The following FRK variants were observed in gnomAD, a reference collection of about 807,000 sequenced individuals.
The protein encoded by FRK is fyn related Src family tyrosine kinase.
A neutral mutation model predicts 56.4 loss-of-function variants in FRK; 51 were observed. The ratio of observed to expected loss-of-function variants is 0.90; its 90% confidence interval spans 0.72 to 1.14. The LOEUF is 1.14. Among genes scored for constraint, FRK ranks in the 50% most tolerant of loss-of-function variants. FRK has a pLI of 0.00. For synonymous variants in FRK, 245 were observed against 217.9 expected, an observed-to-expected ratio of 1.12 and a Z score of -1.10; for missense variants, 570 against 601.4, an observed-to-expected ratio of 0.95 and a Z score of 0.55.
At chr6:116,029,645 C>T (rs925891679) in intron 1 of FRK, among the ~76,000 whole-genome samples, 3 of 152,142 alleles carry the variant, frequency 2.0e-5, no homozygotes, top group Non-Finnish European at 4.4e-5. Context: ...AAATTATTTA[C>T]ATTAACTATT....
chr6:116,029,633 G>A (rs1326600320), intron 1 of FRK, among the ~76,000 whole-genome samples: 2 of 152,084 alleles, frequency 1.3e-5, no homozygotes, highest in Non-Finnish European at 2.9e-5. Context: ...CAGGCACCGT[G>A]CAAATTATTT....
chr6:115,955,341 G>C (rs1772942101), intron 5 of FRK, among the ~76,000 whole-genome samples: 1 of 152,090 alleles, frequency 6.6e-6, no homozygotes, highest in Non-Finnish European at 1.5e-5. Flanking sequence ...ATGGGGAATA[G>C]GCCATTAGAT....
At chr6:116,039,430 G>A in intron 1 of FRK, 2 of 1,574,624 alleles carry the variant, frequency 1.3e-6, no homozygotes, top group Non-Finnish European at 1.7e-6. Flanking sequence ...TGAAGTGGAT[G>A]GCTTCCTCGT....
the FRK span, among the ~76,000 whole-genome samples, chr6:116,100,174 A>G: frequency 6.6e-6 from 1 of 152,250 alleles, no homozygotes; most frequent in Admixed American, 6.5e-5. Context: ...ATTCATTACA[A>G]TAACAAAATA....
chr6:115,948,614 T>C (rs529829578), intron 5 of FRK, among the ~76,000 whole-genome samples: 2 of 152,338 alleles, frequency 1.3e-5, no homozygotes, highest in East Asian at 1.9e-4. Flanking sequence ...ACTTTTACTG[T>C]TTTAACTCCC....
At chr6:116,088,169 T>A in the FRK span, among the ~76,000 whole-genome samples, 1 of 152,192 alleles carries the variant, frequency 6.6e-6, no homozygotes. Context: ...TGGCTTACTC[T>A]CTCTCCATTA....
intron 4 of FRK, among the ~76,000 whole-genome samples, chr6:115,966,974 A>AG (rs11400264): frequency 0.77 from 116,774 of 151,994 alleles, 45,262 homozygotes; most frequent in East Asian, 0.99. Context: ...ATGACCAGAA[A>AG]TATTTGGAAA....
At chr6:116,012,471 T>C (rs759309807) in intron 1 of FRK, among the ~76,000 whole-genome samples, 1 of 152,220 alleles carries the variant, frequency 6.6e-6, no homozygotes, top group South Asian at 2.1e-4. Context: ...ATATGTAGCA[T>C]ACAAAAGCTA....
At chr6:116,046,729 A>G (rs1345530716) in intron 1 of FRK, among the ~76,000 whole-genome samples, 1 of 152,266 alleles carries the variant, frequency 6.6e-6, no homozygotes, top group Non-Finnish European at 1.5e-5. Context: ...GTGTATACCT[A>G]TGAAACAAAC....
intron 1 of FRK, among the ~76,000 whole-genome samples, chr6:116,027,914 A>G (rs1776154922): frequency 6.6e-6 from 1 of 152,104 alleles, no homozygotes. Flanking sequence ...GGAACTGTTC[A>G]GAGACAAAGT....
chr6:116,066,701 A>G, the FRK span, among the ~76,000 whole-genome samples: 3 of 152,108 alleles, frequency 2.0e-5, no homozygotes. Flanking sequence ...GGCCAGCCAC[A>G]GTGGCCACCT....
In FRK at chr6:116,002,724, T is replaced by C. The variant is rs916908600; in HGVS notation, c.466+1153A>G. 2.9e-5 allele frequency: 13 copies of C among 455,648 alleles called. 1 individual carries two copies. The highest frequency in any genetic ancestry group is 5.3e-5 in the Non-Finnish European group (12 of 226,606). 28.2% of individuals were successfully genotyped at this position (455,648 alleles called of 1,614,324 possible). On this transcript the variant is annotated intron_variant, in intron 2 of 7. Transcript: ENST00000606080. Reference sequence around the variant, plus strand: ...TTAGGTAGTAGTGAAGTTGAATCCATGTGGTTCTGGAGTACCACATTGTCT... The same window carrying C: ...TTAGGTAGTAGTGAAGTTGAATCCACGTGGTTCTGGAGTACCACATTGTCT...
the FRK span, among the ~76,000 whole-genome samples, chr6:116,097,156 C>T: frequency 6.6e-6 from 1 of 152,062 alleles, no homozygotes; most frequent in Non-Finnish European, 1.5e-5. Context: ...AAAAAATATT[C>T]CTCATGCAGG....
intron 1 of FRK, among the ~76,000 whole-genome samples, chr6:116,021,824 G>A (rs192284226): frequency 6.5e-4 from 99 of 151,980 alleles, no homozygotes; most frequent in Non-Finnish European, 1.2e-3. Flanking sequence ...GAAAGAAATA[G>A]TAAAGACAAC....
intron 2 of FRK, among the ~76,000 whole-genome samples, chr6:115,993,351 G>A (rs2114667685): frequency 6.6e-6 from 1 of 151,910 alleles, no homozygotes; most frequent in African/African-American, 2.4e-5. Context: ...GATACGTAAT[G>A]CTGTGAAGAA....
At chr6:116,017,437 C>T (rs544849566) in intron 1 of FRK, among the ~76,000 whole-genome samples, 1 of 152,284 alleles carries the variant, frequency 6.6e-6, no homozygotes, top group Admixed American at 6.5e-5. Context: ...TTTTCTACAT[C>T]GCTTTTCTTT....
intron 2 of FRK, among the ~76,000 whole-genome samples, chr6:115,990,988 A>G (rs907964911): frequency 6.6e-6 from 1 of 151,690 alleles, no homozygotes; most frequent in Non-Finnish European, 1.5e-5. Flanking sequence ...GTCTTTCACC[A>G]TCTTGGCTAA....
chr6:115,952,732 C>T (rs1427536225), intron 5 of FRK, among the ~76,000 whole-genome samples: 3 of 151,762 alleles, frequency 2.0e-5, no homozygotes, highest in Non-Finnish European at 2.9e-5. Context: ...CCATGGAATA[C>T]TATGCAGCCA....
chr6:116,036,088 TG>T (rs1451104944), intron 1 of FRK, among the ~76,000 whole-genome samples: 1 of 152,126 alleles, frequency 6.6e-6, no homozygotes, highest in Non-Finnish European at 1.5e-5. Context: ...GAACAAGCAG[TG>T]GGAGAGCTGC....
Sources: allele counts gnomAD v4.1 joint callset (sites outside exome capture counted in the v4.1 genomes callset), GRCh38; gene constraint gnomAD v4.1.1; transcripts MANE v1.5; gene names NCBI Gene and HGNC (gene_info 2026-07-23, HGNC 2026-07-21).